Variants in NTN5 observed in about 807,000 individuals in gnomAD.
NTN5 encodes netrin-5.
A neutral mutation model predicts 38.7 loss-of-function variants in NTN5; 42 were observed. The ratio of observed to expected loss-of-function variants is 1.08; its 90% CI spans 0.85 to 1.40. The LOEUF (loss-of-function observed/expected upper bound fraction) is 1.40, where lower values mean the gene tolerates loss of function less well. NTN5 is among the 40% of genes most tolerant of loss of function. The pLI is 0.00. For missense variants in NTN5, 658 were observed against 716.5 expected (o/e 0.92, Z 0.93); for synonymous variants, 329 against 303.9 (o/e 1.08, Z -0.86).
intron 2 of NTN5, among the ~76,000 whole-genome samples, chr19:48,665,959 TG>T (rs60455062): frequency 0.26 from 39,769 of 152,142 alleles, 7,083 homozygotes; most frequent in African/African-American, 0.51. Context: ...GCATTTATAA[TG>T]TTTACTTGAG....
chr19:48,663,290 T>A (rs1219697296), intron 6 of NTN5, 173 bp downstream of exon 6: 8 of 702,968 alleles, frequency 1.1e-5, no homozygotes, highest in Non-Finnish European at 2.1e-5. Context: ...CCCTCCCCAC[T>A]CCCCTCCCCA....
In NTN5 at chr19:48,663,947, C is replaced by T; in HGVS notation, c.971-133G>A. The T allele has an allele frequency of 4.4e-6, 5 of 1,127,334 alleles. No homozygotes were observed. The South Asian group carries it at 7.3e-5, about 17-fold the overall frequency. The allele number at this position is 1,127,334 out of a possible 1,614,324, so 69.8% of individuals were successfully genotyped here. A position where few individuals can be genotyped will look rare whatever the true frequency, so the allele number is the denominator to read the frequency against. On this transcript the variant is annotated intron_variant, in intron 4 of 6. Transcript: ENST00000270235. Reference sequence around the variant, plus strand: ...GACTCAAGAGTGCAAGCATCCCTTGCCTTCAGGCCCCAAGCCTCCTTTTCC... The same window carrying T: ...GACTCAAGAGTGCAAGCATCCCTTGTCTTCAGGCCCCAAGCCTCCTTTTCC...
At chr19:48,662,310 T>C (rs1209488460) in intron 6 of NTN5, among the ~76,000 whole-genome samples, 1 of 149,360 alleles carries the variant, frequency 6.7e-6, no homozygotes, top group East Asian at 1.9e-4. Context: ...GGGTCTCTAA[T>C]GCAGTGGAGT....
In NTN5 at chr19:48,661,935, G is replaced by T. The variant is rs765871978; in HGVS notation, c.1212C>A (p.Arg404=). Residue 404 remains arginine, a synonymous_variant, in exon 7 of 7, where the codon CGC becomes CGA. Transcript: ENST00000270235. ...GGGGCACCCAGGCGTCCTGGTCGCCGCGTCGCACGGGCTGCGCCCGCTGCT... is the reference window on the plus strand; with the variant it reads ...GGGGCACCCAGGCGTCCTGGTCGCCTCGTCGCACGGGCTGCGCCCGCTGCT... ...VYKQRAQPVR[R]GDQDAWVPRA... The T allele has an allele frequency of 1.5e-6, 2 of 1,376,350 alleles. No individual in the cohort carries two copies. Among genetic ancestry groups the T allele is most frequent in the Non-Finnish European group, 9.3e-7 (1 of 1,069,674 alleles). The allele number at this position is 1,376,350 out of a possible 1,614,324, so 85.3% of individuals were successfully genotyped here.
chr19:48,662,412 A>G (rs528317487), intron 6 of NTN5: 64 of 185,842 alleles, frequency 3.4e-4, no homozygotes, highest in Non-Finnish European at 5.9e-4. Flanking sequence ...AGAAGAAGGA[A>G]GAGACTGGTC....
In NTN5 at chr19:48,661,908, G is replaced by GC; in HGVS notation, c.1238dup (p.Ala414ArgfsTer97). ...GCAGGCAGCCGCAGGTCAGGTCGGC[G>GC]CGGGGCACCCAGGCGTCCTGGTCGC... is the stretch of plus-strand genomic sequence containing the variant. On this transcript the variant is annotated frameshift_variant, in exon 7 of 7. Coordinates refer to ENST00000270235, the MANE Select transcript of NTN5 (RefSeq NM_145807.4). LOFTEE classifies it low-confidence loss of function (END_TRUNC). 1 of 1,360,248 alleles carries GC rather than the reference G, an allele frequency of 7.4e-7. No homozygotes were observed. The highest frequency in any genetic ancestry group is 9.4e-7 in the Non-Finnish European group (1 of 1,059,778). The allele number at this position is 1,360,248 out of a possible 1,614,324, so 84.3% of individuals were successfully genotyped here.
At chr19:48,665,165 C>T (rs1014906468) in intron 2 of NTN5, among the ~76,000 whole-genome samples, 5 of 151,678 alleles carry the variant, frequency 3.3e-5, no homozygotes, top group African/African-American at 7.3e-5. Context: ...ATGGGTAGGC[C>T]GGGCTCATGC....
chr19:48,667,162 T>A (rs1410032332), intron 2 of NTN5, among the ~76,000 whole-genome samples: 1 of 152,062 alleles, frequency 6.6e-6, no homozygotes, highest in Non-Finnish European at 1.5e-5. Context: ...GTGAGTTGAG[T>A]CAGGTTTTGG....
intron 2 of NTN5, among the ~76,000 whole-genome samples, chr19:48,669,688 CCACCACCATCAT>C (rs2031862318): frequency 5.4e-5 from 6 of 111,254 alleles, no homozygotes; most frequent in African/African-American, 1.5e-4. Context: ...ACCACCATCA[CCACCACCATCAT>C]CACCATCACC....
At chr19:48,668,968 C>CCACCATCATCACCACTATCACCAT (rs1330085526) in intron 2 of NTN5, among the ~76,000 whole-genome samples, 1 of 142,922 alleles carries the variant, frequency 7.0e-6, no homozygotes, top group Admixed American at 7.2e-5. Context: ...ACCACTATCA[C>CCACCATCATCACCACTATCACCAT]CACCATCATC....
intron 2 of NTN5, among the ~76,000 whole-genome samples, chr19:48,668,415 C>G (rs963311093): frequency 3.9e-5 from 6 of 152,158 alleles, no homozygotes; most frequent in Non-Finnish European, 4.4e-5. Flanking sequence ...CTGTTACTAT[C>G]CCCAATCTAT....
rs1269823935 is a variant in NTN5, at chr19:48,671,001, C to T, written c.-15G>A. ...GTCACGGGCATGGTCACAGCAGAGC[C>T]AGCACCTGGAGGGAAGAGAGGTGGC... On this transcript the variant is annotated 5_prime_UTR_variant, in exon 2 of 7. Transcript: ENST00000270235. 6.6e-7 allele frequency: 1 copy of T among 1,503,894 alleles called. No individual in the cohort carries two copies. The allele number at this position is 1,503,894 out of a possible 1,614,324, so 93.2% of individuals were successfully genotyped here.
chr19:48,664,772 G>C lies in NTN5; in HGVS notation c.632-5C>G. The C allele has an allele frequency of 6.5e-7, 1 of 1,537,798 alleles. No homozygotes were observed. The highest frequency in any genetic ancestry group is 8.8e-7 in the Non-Finnish European group (1 of 1,142,246). Reference sequence around the variant, plus strand: ...CGTGCTGGTTGCAGGAGCAGGCTAGGAGCAAAATGGGGTGGGGGCGCATCA... The same window carrying C: ...CGTGCTGGTTGCAGGAGCAGGCTAGCAGCAAAATGGGGTGGGGGCGCATCA... On this transcript the variant is annotated splice_region_variant and splice_polypyrimidine_tract_variant and intron_variant, in intron 2 of 6. Coordinates refer to ENST00000270235, the MANE Select transcript of NTN5 (RefSeq NM_145807.4).
In NTN5 at chr19:48,664,469, C is replaced by G; in HGVS notation, c.820+110G>C. On this transcript the variant is annotated intron_variant, in intron 3 of 6. Transcript: ENST00000270235. ...TCAGGCCCAGAGTCCAGGCCCCCAG[C>G]CCCTCCTCCCTCAGATCCAGGAATC... The G allele has an allele frequency of 2.3e-6, 3 of 1,328,996 alleles. No homozygotes were observed. In the South Asian group the frequency reaches 4.5e-5, roughly 20 times the overall value. The allele number at this position is 1,328,996 out of a possible 1,614,324, so 82.3% of individuals were successfully genotyped here.
chr19:48,664,849 C>T (rs561097369), intron 2 of NTN5, 82 bp from the exon 3 acceptor site: 1 of 1,253,050 alleles, frequency 8.0e-7, no homozygotes, highest in Admixed American at 3.5e-5. Flanking sequence ...TGGCCCTGCC[C>T]TCATGAAAGG....
intron 2 of NTN5, among the ~76,000 whole-genome samples, chr19:48,670,024 CATCACCACCACAGTCATCACCATT>C (rs2031910969): frequency 6.7e-6 from 1 of 148,786 alleles, no homozygotes; most frequent in Admixed American, 6.7e-5. Context: ...TCACCACCAC[CATCACCACCACAGTCATCACCATT>C]ATCACCACCA....
At chr19:48,665,378 G>C (rs1413318479) in intron 2 of NTN5, among the ~76,000 whole-genome samples, 1 of 151,022 alleles carries the variant, frequency 6.6e-6, no homozygotes, top group African/African-American at 2.4e-5. Flanking sequence ...GGAGGTTGCA[G>C]TGAGCCAAGA....
rs1047412850 is a variant in NTN5, at chr19:48,667,582, C to T, written c.631+2774G>A. ...AAGAAATAGAGGGGCAGAGGCCGGGCGCGGTGGCTCACGCCTGTAATCCCA... is the reference window on the plus strand; with the variant it reads ...AAGAAATAGAGGGGCAGAGGCCGGGTGCGGTGGCTCACGCCTGTAATCCCA... On this transcript the variant is annotated intron_variant, in intron 2 of 6. Coordinates refer to ENST00000270235, the MANE Select transcript of NTN5 (RefSeq NM_145807.4). The T allele has an allele frequency of 1.4e-4, 24 of 165,854 alleles. 1 individual carries two copies. The highest frequency in any genetic ancestry group is 4.5e-4 in the Admixed American group (7 of 15,462). 10.3% of individuals were successfully genotyped at this position (165,854 alleles called of 1,614,324 possible).
Position 48,670,268 on chromosome 19 carries a change from G to A in NTN5, c.631+88C>T, listed in dbSNP as rs571720643. The A allele has an allele frequency of 1.6e-3, 2,074 of 1,298,776 alleles. 3 individuals carry two copies. Among genetic ancestry groups the A allele is most frequent in the South Asian group, 3.6e-3 (181 of 49,784 alleles). The allele number at this position is 1,298,776 out of a possible 1,614,324, so 80.5% of individuals were successfully genotyped here. ...GAGGCAAGGAGCACCCAGTTCCAGC[G>A]AGGGAAGGGAACATCCTGCTCCCGT... On this transcript the variant is annotated intron_variant, in intron 2 of 6. Transcript: ENST00000270235.
Sources: gnomAD v4.1 joint callset for allele counts (sites outside exome capture counted in the v4.1 genomes callset) on GRCh38, gnomAD v4.1.1 for gene constraint, MANE v1.5 for transcripts, NCBI Gene and HGNC (gene_info 2026-07-23, HGNC 2026-07-21) for gene names.